The following ADAM20 variants were observed in gnomAD, a reference collection of about 807,000 sequenced individuals.
ADAM20 encodes disintegrin and metalloproteinase domain-containing protein 20.
For missense variants in ADAM20, 871 were observed against 883.2 expected, an observed-to-expected ratio of 0.99 and a Z score of 0.18; for synonymous variants, 305 against 310.2, an observed-to-expected ratio of 0.98 and a Z score of 0.18.
At chr14:70,543,631 T>C in the ADAM20 span, among the ~76,000 whole-genome samples, 1 of 152,204 alleles carries the variant, frequency 6.6e-6, no homozygotes, top group Admixed American at 6.5e-5. Context: ...CCTTTCCTAA[T>C]AATATGCCTA....
At chr14:70,528,702 AG>A (rs1207688645) in intron 1 of ADAM20, among the ~76,000 whole-genome samples, 1 of 152,224 alleles carries the variant, frequency 6.6e-6, no homozygotes, top group Non-Finnish European at 1.5e-5. Flanking sequence ...AAACCTGGAA[AG>A]GTTTTGACAA....
At chr14:70,541,576 T>A in the ADAM20 span, among the ~76,000 whole-genome samples, 2 of 152,216 alleles carry the variant, frequency 1.3e-5, no homozygotes, top group Admixed American at 1.3e-4. Flanking sequence ...ATGAGGTACA[T>A]GTGTCTAAAA....
In ADAM20 at chr14:70,524,370, C is replaced by T. The variant is rs773699050; in HGVS notation, c.388G>A (p.Gly130Arg). The change falls in exon 2 of 2, where the codon GGG becomes AGG. Residue 130 changes from glycine (G) to arginine (R), a missense_variant. Transcript: ENST00000256389. Reference sequence around the variant, plus strand: ...ATCTGTAGCATTCCAAGAAAGCCCCCAGAACAGGTACTAAGGGCAACCAAG... The same window carrying T: ...ATCTGTAGCATTCCAAGAAAGCCCCTAGAACAGGTACTAAGGGCAACCAAG... Reference protein sequence around the residue: ...ESLVALSTCSGGFLGMLQIND... With the variant: ...ESLVALSTCSRGFLGMLQIND... 6 of 1,613,816 alleles carry T rather than the reference C, an allele frequency of 3.7e-6. No individual in the cohort carries two copies. Among genetic ancestry groups the T allele is most frequent in the Non-Finnish European group, 5.1e-6 (6 of 1,179,932 alleles).
intron 1 of ADAM20, among the ~76,000 whole-genome samples, chr14:70,528,083 ATCAC>A (rs1353256941): frequency 1.3e-5 from 2 of 152,232 alleles, no homozygotes; most frequent in African/African-American, 4.8e-5. Context: ...GTTCTACCAC[ATCAC>A]CAGTTAAACT....
chr14:70,536,465 C>CAA (rs56738784), upstream of ADAM20, among the ~76,000 whole-genome samples: 618 of 43,038 alleles, frequency 0.014, 77 homozygotes, highest in Non-Finnish European at 0.017. Flanking sequence ...AACTCTGTCT[C>CAA]AAAAAAAAAA....
chr14:70,575,555 G>A, the ADAM20 span, among the ~76,000 whole-genome samples: 2 of 152,120 alleles, frequency 1.3e-5, no homozygotes, highest in Admixed American at 6.5e-5. Context: ...TACCTTGTTC[G>A]TGGTAATGGT....
At chr14:70,557,959 C>G in the ADAM20 span, among the ~76,000 whole-genome samples, 1 of 152,150 alleles carries the variant, frequency 6.6e-6, no homozygotes, top group Admixed American at 6.5e-5. Flanking sequence ...AATTAAACAT[C>G]TGATCCTTAA....
the ADAM20 span, among the ~76,000 whole-genome samples, chr14:70,564,575 AT>A: frequency 6.6e-6 from 1 of 152,046 alleles, no homozygotes; most frequent in African/African-American, 2.4e-5. Flanking sequence ...ATAAATGGGA[AT>A]TTATGAAGTG....
At chr14:70,525,524 A>C (rs1416812770) in intron 1 of ADAM20, among the ~76,000 whole-genome samples, 2 of 152,044 alleles carry the variant, frequency 1.3e-5, no homozygotes, top group Non-Finnish European at 2.9e-5. Context: ...ACCGAGCAAA[A>C]TTGTTCATTT....
chr14:70,560,840 G>A, the ADAM20 span, among the ~76,000 whole-genome samples: 7 of 152,180 alleles, frequency 4.6e-5, no homozygotes, highest in Non-Finnish European at 1.0e-4. Flanking sequence ...AGAACTGTGA[G>A]TCAATTAAAC....
chr14:70,553,309 TAAAAAAA>T, the ADAM20 span, among the ~76,000 whole-genome samples: 6 of 17,256 alleles, frequency 3.5e-4, no homozygotes, highest in African/African-American at 1.2e-3. Flanking sequence ...TAGAGTATAA[TAAAAAAA>T]AAAAAAAAAA....
At chr14:70,562,148 C>T in the ADAM20 span, among the ~76,000 whole-genome samples, 2 of 152,212 alleles carry the variant, frequency 1.3e-5, no homozygotes, top group African/African-American at 4.8e-5. Context: ...GCAGAGCTGC[C>T]CAAGGCCTTG....
At chr14:70,558,225 TAA>T in the ADAM20 span, among the ~76,000 whole-genome samples, 9 of 152,154 alleles carry the variant, frequency 5.9e-5, no homozygotes, top group Non-Finnish European at 1.2e-4. Flanking sequence ...ACAAAAATTA[TAA>T]AGAGATATAA....
chr14:70,530,342 A>G (rs1773200514), intron 1 of ADAM20, among the ~76,000 whole-genome samples: 1 of 152,158 alleles, frequency 6.6e-6, no homozygotes, highest in Non-Finnish European at 1.5e-5. Context: ...TCCTATGATC[A>G]CAATGCCTTC....
rs947639771 is a variant in ADAM20, at chr14:70,524,558, A to G, written c.200T>C (p.Phe67Ser). Reference protein sequence around the residue: ...APGWLSYSLRFGGQRYIVHMR... With the variant: ...APGWLSYSLRSGGQRYIVHMR... ...GTGGACAATGTATCTCTGTCCCCCA[A>G]ACCGCAGGCTATAGGAGAGCCATCC... Residue 67 changes from phenylalanine (F) to serine (S), a missense_variant, in exon 2 of 2, where the codon TTT (phenylalanine) becomes TCT (serine). Phe to Ser is a radical substitution (Grantham distance 155). Coordinates refer to ENST00000256389, the MANE Select transcript of ADAM20 (RefSeq NM_003814.5). 3.1e-6 allele frequency: 5 copies of G among 1,613,848 alleles called. No individual in the cohort carries two copies. In the Admixed American group the frequency reaches 6.7e-5, roughly 22 times the overall value.
the ADAM20 span, among the ~76,000 whole-genome samples, chr14:70,578,102 G>T: frequency 6.8e-4 from 103 of 152,084 alleles, no homozygotes; most frequent in African/African-American, 2.3e-3. Flanking sequence ...CACAGAATAG[G>T]AGAAAATCTT....
At chr14:70,531,232 C>G (rs1332081123) in intron 1 of ADAM20, among the ~76,000 whole-genome samples, 1 of 152,074 alleles carries the variant, frequency 6.6e-6, no homozygotes, top group East Asian at 1.9e-4. Flanking sequence ...TGTGATATAT[C>G]ACATTCACAG....
At chr14:70,572,640 C>G in the ADAM20 span, among the ~76,000 whole-genome samples, 1 of 152,032 alleles carries the variant, frequency 6.6e-6, no homozygotes, top group Non-Finnish European at 1.5e-5. Context: ...GCAAAAGAAA[C>G]AGTTTCAACA....
At chr14:70,571,900 T>TGTGTTTAACC in the ADAM20 span, among the ~76,000 whole-genome samples, 3 of 151,776 alleles carry the variant, frequency 2.0e-5, no homozygotes, top group Non-Finnish European at 4.4e-5. Context: ...ACACAAAAAA[T>TGTGTTTAACC]AAGTAGGAAT....
Sources: gnomAD v4.1 joint callset for allele counts (sites outside exome capture counted in the v4.1 genomes callset) on GRCh38, gnomAD v4.1.1 for gene constraint, MANE v1.5 for transcripts, NCBI Gene and HGNC (gene_info 2026-07-23, HGNC 2026-07-21) for gene names.